Variants in ROBO2 observed in about 807,000 individuals in gnomAD.
ROBO2 encodes roundabout guidance receptor 2, also known as roundabout homolog 2.
ROBO2 carries 53 observed loss-of-function variants against 160.8 expected under a neutral mutation model. That is an observed-to-expected ratio of 0.33 (90% CI 0.26 to 0.41). The LOEUF is 0.41. ROBO2 is among the 10% of genes least tolerant of loss of function. The probability of loss-of-function intolerance (pLI) is 1.00; values close to 1 mark genes in which losing one functional copy is unlikely to be tolerated. For synonymous variants in ROBO2, 664 were observed against 611.7 expected (o/e 1.09, Z -1.26); for missense variants, 1,577 against 1,722.4 (o/e 0.92, Z 1.49).
intron 2 of ROBO2, among the ~76,000 whole-genome samples, chr3:76,720,912 T>C (rs902683615): frequency 6.6e-6 from 1 of 152,232 alleles, no homozygotes; most frequent in East Asian, 1.9e-4. Context: ...AATTAGTTAC[T>C]AATTTCTTTT....
chr3:76,426,853 T>C (rs2108980529), intron 2 of ROBO2, among the ~76,000 whole-genome samples: 1 of 152,146 alleles, frequency 6.6e-6, no homozygotes, highest in East Asian at 1.9e-4. Flanking sequence ...TAGAGAGAAA[T>C]ATATTTGAGA....
At chr3:77,226,292 T>C (rs1418027301) in intron 2 of ROBO2, among the ~76,000 whole-genome samples, 1 of 151,994 alleles carries the variant, frequency 6.6e-6, no homozygotes, top group African/African-American at 2.4e-5. Context: ...TGAATATTTA[T>C]GTCCTTTTTT....
At chr3:76,627,826 T>C (rs2089758512) in intron 2 of ROBO2, among the ~76,000 whole-genome samples, 2 of 152,320 alleles carry the variant, frequency 1.3e-5, no homozygotes, top group Admixed American at 6.5e-5. Context: ...TAGCAAATGA[T>C]GTCTCTGAAC....
chr3:76,914,046 G>A (rs898227861), intron 2 of ROBO2, among the ~76,000 whole-genome samples: 6 of 152,238 alleles, frequency 3.9e-5, no homozygotes, highest in African/African-American at 1.2e-4. Flanking sequence ...ATGAGTAAAT[G>A]TAAAACAAAT....
At chr3:76,707,924 T>C (rs890559829) in intron 2 of ROBO2, among the ~76,000 whole-genome samples, 1 of 151,956 alleles carries the variant, frequency 6.6e-6, no homozygotes, top group Admixed American at 6.6e-5. Flanking sequence ...TCTTGAACTA[T>C]ATATGTGAGC....
chr3:76,604,591 C>G (rs930777119), intron 2 of ROBO2, among the ~76,000 whole-genome samples: 1 of 151,992 alleles, frequency 6.6e-6, no homozygotes, highest in African/African-American at 2.4e-5. Flanking sequence ...ATTATATTTT[C>G]TAATTTAATT....
intron 2 of ROBO2, among the ~76,000 whole-genome samples, chr3:76,174,667 G>A (rs2073163528): frequency 6.6e-6 from 1 of 152,210 alleles, no homozygotes; most frequent in African/African-American, 2.4e-5. Flanking sequence ...AAGATCAGAT[G>A]GTTGTAGATG....
At chr3:76,079,595 C>T (rs1332615394) in intron 2 of ROBO2, among the ~76,000 whole-genome samples, 8 of 151,386 alleles carry the variant, frequency 5.3e-5, no homozygotes, top group Non-Finnish European at 8.8e-5. Context: ...GCAATTCTCC[C>T]ACCTCAGCCT....
In ROBO2 at chr3:77,412,877, G is replaced by A. The variant is rs146655132; in HGVS notation, c.389-64537G>A. On this transcript the variant is annotated intron_variant, in intron 2 of 25. Coordinates refer to ENST00000461745, the Ensembl canonical transcript of ROBO2. ...AATGTCTTTTGACATTTGGGGATGC[G>A]TCAGTGCTGCAGATTCTTTAAACTC... Among the ~76,000 whole-genome samples, 11 of 152,214 alleles carry A rather than the reference G, an allele frequency of 7.2e-5. No homozygotes were observed. The East Asian group carries it at 9.7e-4, about 13-fold the overall frequency.
At chr3:77,265,620 A>G (rs191354631) in intron 2 of ROBO2, among the ~76,000 whole-genome samples, 28 of 152,298 alleles carry the variant, frequency 1.8e-4, no homozygotes, top group Admixed American at 4.6e-4. Flanking sequence ...TATGATTCAT[A>G]TCATACATAA....
intron 2 of ROBO2, among the ~76,000 whole-genome samples, chr3:76,561,881 A>C (rs1274169454): frequency 1.3e-5 from 2 of 152,154 alleles, no homozygotes; most frequent in African/African-American, 4.8e-5. Context: ...GCATAAGCCA[A>C]TCCTCACTTC....
At chr3:76,536,672 C>T (rs187198822) in intron 2 of ROBO2, among the ~76,000 whole-genome samples, 48 of 152,062 alleles carry the variant, frequency 3.2e-4, no homozygotes, top group African/African-American at 8.9e-4. Context: ...TGGCTCATGA[C>T]GCTGGCAGGT....
chr3:77,037,345 C>G (rs2063697733), upstream of ROBO2, among the ~76,000 whole-genome samples: 1 of 152,180 alleles, frequency 6.6e-6, no homozygotes, highest in Non-Finnish European at 1.5e-5. Context: ...CATAAGGTAG[C>G]TAGTGTATGG....
chr3:76,892,283 G>T (rs1451821113), intron 2 of ROBO2, among the ~76,000 whole-genome samples: 2 of 152,180 alleles, frequency 1.3e-5, no homozygotes, highest in African/African-American at 4.8e-5. Context: ...TTTGCCAGGA[G>T]TATTTATGGC....
chr3:76,953,150 T>C (rs2079054675), intron 2 of ROBO2, among the ~76,000 whole-genome samples: 2 of 152,212 alleles, frequency 1.3e-5, no homozygotes, highest in East Asian at 1.9e-4. Flanking sequence ...TCTTACTAGC[T>C]TGAGAAGGTT....
intron 2 of ROBO2, among the ~76,000 whole-genome samples, chr3:77,192,126 G>A (rs35676350): frequency 0.2 from 29,793 of 151,958 alleles, 3,361 homozygotes; most frequent in Middle Eastern, 0.31. Context: ...AGGAGACAAG[G>A]TATGTCATTT....
At chr3:76,128,153 C>A (rs1393567161) in intron 2 of ROBO2, among the ~76,000 whole-genome samples, 10 of 152,004 alleles carry the variant, frequency 6.6e-5, no homozygotes, top group African/African-American at 2.2e-4. Context: ...CTCGGCCTCC[C>A]AAACTGTTGG....
chr3:76,067,941 T>C (rs1428470533), intron 2 of ROBO2, among the ~76,000 whole-genome samples: 9 of 152,208 alleles, frequency 5.9e-5, no homozygotes, highest in African/African-American at 1.9e-4. Flanking sequence ...GGGCGAAAAT[T>C]TGTGTTCTCT....
At chr3:76,732,764 T>C (rs964298043) in intron 2 of ROBO2, among the ~76,000 whole-genome samples, 90 of 152,080 alleles carry the variant, frequency 5.9e-4, no homozygotes, top group African/African-American at 2.1e-3. Flanking sequence ...AAAAGAGAGA[T>C]TGGTGAAGGA....
Sources: allele counts gnomAD v4.1 joint callset (sites outside exome capture counted in the v4.1 genomes callset), GRCh38; gene constraint gnomAD v4.1.1; transcripts MANE v1.5; gene names NCBI Gene and HGNC (gene_info 2026-07-23, HGNC 2026-07-21).